COQ7: variants seen among roughly 807,000 people sequenced by gnomAD.
COQ7 encodes the protein NADPH-dependent 3-demethoxyubiquinone 3-hydroxylase, mitochondrial.
A neutral mutation model predicts 25.0 loss-of-function variants in COQ7; 21 were observed. The observed-to-expected ratio is 0.84, with a 90% CI of 0.60 to 1.21. The LOEUF (loss-of-function observed/expected upper bound fraction) is 1.21. COQ7 is among the 50% of genes most tolerant of loss of function. The pLI is 0.00. For synonymous variants in COQ7, 125 were observed against 112.4 expected, an observed-to-expected ratio of 1.11 and a Z score of -0.71; for missense variants, 311 against 296.2, an observed-to-expected ratio of 1.05 and a Z score of -0.37.
chr16:19,075,446 T>TG (rs1962784167), intron 3 of COQ7, among the ~76,000 whole-genome samples: 1 of 149,660 alleles, frequency 6.7e-6, no homozygotes, highest in Non-Finnish European at 1.5e-5. Context: ...GTGATCCGCC[T>TG]CGGCCTCCCA....
intron 2 of COQ7, among the ~76,000 whole-genome samples, chr16:19,073,624 C>T (rs1962678735): frequency 1.3e-5 from 2 of 152,176 alleles, no homozygotes; most frequent in African/African-American, 4.8e-5. Flanking sequence ...GTGTGTAGAC[C>T]CTTGTCATTT....
chr16:19,074,714 C>CT (rs1195154143), intron 3 of COQ7, among the ~76,000 whole-genome samples: 1 of 151,798 alleles, frequency 6.6e-6, no homozygotes, highest in African/African-American at 2.4e-5. Context: ...ACGCACAGCT[C>CT]TATTTTTTTT....
intron 1 of COQ7, among the ~76,000 whole-genome samples, chr16:19,069,398 C>T (rs1199816965): frequency 6.9e-6 from 1 of 145,040 alleles, no homozygotes; most frequent in East Asian, 2.0e-4. Flanking sequence ...AGGAAAGAGC[C>T]TGATTATTGC....
intron 5 of COQ7, among the ~76,000 whole-genome samples, chr16:19,077,604 T>TTTTTTTTTTTTTTTTTTTTTTTTTA (rs1555522742): frequency 3.5e-5 from 5 of 143,720 alleles, no homozygotes; most frequent in African/African-American, 5.1e-5. Flanking sequence ...TTTTTTTTTT[T>TTTTTTTTTTTTTTTTTTTTTTTTTA]CCCAGACACA....
At position 19,077,929 on chromosome 16, in the gene COQ7, C is replaced by CT. The variant is rs549394896; in HGVS notation, c.577-148dup. 2.0e-4 allele frequency: 110 copies of CT among 552,622 alleles called. 1 individual carries two copies. The South Asian group carries it at 2.8e-3, about 14-fold the overall frequency. The allele number at this position is 552,622 out of a possible 1,614,324, so 34.2% of individuals were successfully genotyped here. A position where few individuals can be genotyped will look rare whatever the true frequency, so the allele number is the denominator to read the frequency against. Reference sequence around the variant, plus strand: ...GCAGTAGTAGCAGAGGCATTCCGACCTTTTGAATAGCTTTCTTTGAAACTA... The same window carrying CT: ...GCAGTAGTAGCAGAGGCATTCCGACCTTTTTGAATAGCTTTCTTTGAAACTA... On this transcript the variant is annotated intron_variant, in intron 5 of 5. Coordinates refer to ENST00000321998, the MANE Select transcript of COQ7 (RefSeq NM_016138.5).
rs35773045 is a variant in COQ7, at chr16:19,072,092, G to T, written c.238G>T (p.Gly80Trp). The change falls in exon 2 of 6, where the codon GGG becomes TGG. Residue 80 changes from glycine to tryptophan, a missense_variant. Transcript: ENST00000321998. ...QMAVLGRTSV[G>W]PVIQKMWDQE... ...GGCTGTCCTGGGTCGGACCAGCGTCGGGCCAGTCATTCAGGTGGGTGCTTC... is the reference window on the plus strand; with the variant it reads ...GGCTGTCCTGGGTCGGACCAGCGTCTGGCCAGTCATTCAGGTGGGTGCTTC... The T allele has an allele frequency of 9.9e-5, 159 of 1,614,040 alleles. No homozygotes were observed. The African/African-American group carries it at 1.7e-3, about 17-fold the overall frequency.
At chr16:19,074,396 G>C (rs558612877) in intron 3 of COQ7, among the ~76,000 whole-genome samples, 11 of 151,882 alleles carry the variant, frequency 7.2e-5, no homozygotes, top group Admixed American at 7.2e-4. Flanking sequence ...ATGGTGGTGC[G>C]TGCCTGTAAT....
At chr16:19,082,765 T>A (rs866545096), downstream of COQ7, among the ~76,000 whole-genome samples, 1 of 147,544 alleles carries the variant, frequency 6.8e-6, no homozygotes, top group African/African-American at 2.5e-5. Flanking sequence ...AGACTCTGTC[T>A]AAAAAAAAAA....
Position 19,072,277 on chromosome 16 carries a change from T to C in COQ7, c.252+171T>C, listed in dbSNP as rs944018070. ...GGGAGCAAAAAGCATATTGTTCTTT[T>C]TATGGATAAAGCACAGAGAGACATC... On this transcript the variant is annotated intron_variant, in intron 2 of 5. Coordinates refer to ENST00000321998, the MANE Select transcript of COQ7 (RefSeq NM_016138.5). 1.1e-5 allele frequency: 8 copies of C among 702,578 alleles called. No individual in the cohort carries two copies. In the South Asian group the frequency reaches 1.5e-4, roughly 13 times the overall value. The allele number at this position is 702,578 out of a possible 1,614,324, so 43.5% of individuals were successfully genotyped here.
rs11859129 is a variant in COQ7, at chr16:19,072,088, C to T, written c.234C>T (p.Ser78=). ...AGQMAVLGRT[S]VGPVIQKMWD... ...AGATGGCTGTCCTGGGTCGGACCAGCGTCGGGCCAGTCATTCAGGTGGGTG... is the reference window on the plus strand; with the variant it reads ...AGATGGCTGTCCTGGGTCGGACCAGTGTCGGGCCAGTCATTCAGGTGGGTG... The change falls in exon 2 of 6, where the codon AGC becomes AGT. Residue 78 remains serine (S), a synonymous_variant. Transcript: ENST00000321998. 4,002 of 1,614,100 alleles carry T rather than the reference C, an allele frequency of 2.5e-3. 87 individuals are homozygous for T. In the African/African-American group the frequency reaches 0.045, roughly 18 times the overall value.
At position 19,067,650 on chromosome 16, in the gene COQ7, T is replaced by G. The variant is rs757108143; in HGVS notation, c.-15T>G. 5 of 1,613,552 alleles carry G rather than the reference T, an allele frequency of 3.1e-6. No individual in the cohort carries two copies. Among genetic ancestry groups the G allele is most frequent in the Admixed American group, 1.7e-5 (1 of 59,966 alleles). On this transcript the variant is annotated 5_prime_UTR_variant, in exon 1 of 6. Coordinates refer to ENST00000321998, the MANE Select transcript of COQ7 (RefSeq NM_016138.5). Reference sequence around the variant, plus strand: ...GTTCCGTTCAACGAAGTGGTTGCTTTTTTTAGTTCCGGCAATGAGTTGCGC... The same window carrying G: ...GTTCCGTTCAACGAAGTGGTTGCTTGTTTTAGTTCCGGCAATGAGTTGCGC...
chr16:19,069,946 G>C (rs1237566458), intron 1 of COQ7, among the ~76,000 whole-genome samples: 2 of 151,864 alleles, frequency 1.3e-5, no homozygotes, highest in Non-Finnish European at 2.9e-5. Flanking sequence ...ACGATGCCTG[G>C]CTAATTTTTA....
intron 1 of COQ7, among the ~76,000 whole-genome samples, chr16:19,069,700 C>T (rs527424313): frequency 2.0e-5 from 3 of 151,940 alleles, no homozygotes; most frequent in South Asian, 2.1e-4. Context: ...CGTGAGTCGC[C>T]GCACCCAGCC....
At chr16:19,067,778 C>T (rs568109728) in intron 1 of COQ7, 41 bp downstream of exon 1, 2 of 1,575,376 alleles carry the variant, frequency 1.3e-6, no homozygotes, top group Admixed American at 1.9e-5. Context: ...GCCGGTCTAG[C>T]GAGCTAGGGA....
chr16:19,080,377 T>C (rs1567544294), downstream of COQ7, among the ~76,000 whole-genome samples: 1 of 152,192 alleles, frequency 6.6e-6, no homozygotes, highest in Admixed American at 6.5e-5. Context: ...GTTTGGAAAG[T>C]TGTCTTCCCT....
chr16:19,069,971 A>G (rs1202525303), intron 1 of COQ7, among the ~76,000 whole-genome samples: 1 of 151,494 alleles, frequency 6.6e-6, no homozygotes, highest in African/African-American at 2.4e-5. Flanking sequence ...TTTGGTAGAG[A>G]TGGGTTTTCA....
In COQ7 at chr16:19,074,016, C is replaced by T. The variant is rs760972380; in HGVS notation, c.348C>T (p.Asn116=). 2.0e-5 allele frequency: 32 copies of T among 1,612,970 alleles called. No individual in the cohort carries two copies. The highest frequency in any genetic ancestry group is 2.7e-5 in the African/African-American group (2 of 74,714). ...CAACAGTTCTGATGCCCTTGTGGAA[C>T]GTGCTGGGGTTTGCACTGGGTACGT... ...VRPTVLMPLW[N]VLGFALGAGT... The change falls in exon 3 of 6, where the codon AAC becomes AAT. Residue 116 remains asparagine (N), a synonymous_variant. Coordinates refer to ENST00000321998, the MANE Select transcript of COQ7 (RefSeq NM_016138.5).
intron 2 of COQ7, among the ~76,000 whole-genome samples, chr16:19,072,577 C>T (rs1567540558): frequency 1.3e-5 from 2 of 152,140 alleles, no homozygotes; most frequent in Non-Finnish European, 2.9e-5. Context: ...TCTGGGTTTC[C>T]ATTTCCGTAT....
intron 1 of COQ7, 64 bp from the exon 2 acceptor site, chr16:19,071,864 T>C (rs1962573165): frequency 6.3e-7 from 1 of 1,588,668 alleles, no homozygotes; most frequent in East Asian, 2.2e-5. Context: ...CCCTTTCTGC[T>C]GTCTGTAAAA....
Sources: gnomAD v4.1 joint callset for allele counts (sites outside exome capture counted in the v4.1 genomes callset) on GRCh38, gnomAD v4.1.1 for gene constraint, MANE v1.5 for transcripts, NCBI Gene and HGNC (gene_info 2026-07-23, HGNC 2026-07-21) for gene names.